CHSY3: variants seen among roughly 807,000 people sequenced by gnomAD.
CHSY3 encodes the protein N-acetylgalactosaminyl-proteoglycan 3-beta-glucuronosyltransferase 3.
CHSY3 carries 35 observed loss-of-function variants against 67.2 expected under a neutral mutation model. The observed-to-expected ratio is 0.52, with a 90% CI of 0.40 to 0.69. CHSY3 has a LOEUF of 0.69. Among genes scored for constraint, CHSY3 ranks in the 30% least tolerant of loss-of-function variants. The pLI, the probability that CHSY3 is intolerant of heterozygous loss-of-function variation, is 0.00. For synonymous variants in CHSY3, 474 were observed against 434.7 expected (o/e 1.09, Z -1.12); for missense variants, 1,069 against 1,138.5 (o/e 0.94, Z 0.88).
intron 2 of CHSY3, among the ~76,000 whole-genome samples, chr5:129,977,339 C>G (rs888308405): frequency 6.6e-6 from 1 of 152,110 alleles, no homozygotes; most frequent in Non-Finnish European, 1.5e-5. Context: ...CATAAGCAAT[C>G]CTTTAAGAAC....
chr5:130,081,285 G>C (rs1004116705), intron 2 of CHSY3, among the ~76,000 whole-genome samples: 2 of 151,538 alleles, frequency 1.3e-5, no homozygotes, highest in Middle Eastern at 6.8e-3. Context: ...GCTTTGGGTG[G>C]GACAGAGGAT....
intron 2 of CHSY3, among the ~76,000 whole-genome samples, chr5:130,015,208 G>T (rs1764184210): frequency 6.6e-6 from 1 of 152,086 alleles, no homozygotes; most frequent in Non-Finnish European, 1.5e-5. Context: ...ATAAAGATAT[G>T]CTGGCTTCCC....
chr5:130,014,827 C>A (rs1764171064), intron 2 of CHSY3, among the ~76,000 whole-genome samples: 1 of 152,210 alleles, frequency 6.6e-6, no homozygotes, highest in Middle Eastern at 3.4e-3. Context: ...ACTCCCAGAG[C>A]AATTACAACA....
Position 129,908,252 on chromosome 5 carries a change from GC to G in CHSY3, c.980del (p.Pro327HisfsTer19), listed in dbSNP as rs764502168. On this transcript the variant is annotated frameshift_variant, in exon 2 of 3. Coordinates refer to ENST00000305031, the MANE Select transcript of CHSY3 (RefSeq NM_175856.5). LOFTEE classifies it high-confidence loss of function. Reference sequence around the variant, plus strand: ...GCCGAGAAGTTCTCAGGAGGATGGTGCCACATATTGGTGAATGCCTTAGAGA... The same window carrying G: ...GCCGAGAAGTTCTCAGGAGGATGGTGCACATATTGGTGAATGCCTTAGAGA... ...FSREVLRRMV[P>X]HIGECLREMY... 1 of 1,614,160 alleles carries G rather than the reference GC, an allele frequency of 6.2e-7. No homozygotes were observed. The highest frequency in any genetic ancestry group is 1.1e-5 in the South Asian group (1 of 91,078).
intron 2 of CHSY3, among the ~76,000 whole-genome samples, chr5:130,059,655 T>G (rs1765646958): frequency 6.6e-6 from 1 of 152,176 alleles, no homozygotes; most frequent in Non-Finnish European, 1.5e-5. Flanking sequence ...GGATTTGATA[T>G]GAATAAATAT....
chr5:129,935,257 A>G (rs948767268), intron 2 of CHSY3, among the ~76,000 whole-genome samples: 1 of 152,174 alleles, frequency 6.6e-6, no homozygotes, highest in East Asian at 1.9e-4. Context: ...GTTACGTATC[A>G]TCTTTTGTCC....
intron 2 of CHSY3, among the ~76,000 whole-genome samples, chr5:130,183,028 A>G (rs1770296856): frequency 6.6e-6 from 1 of 151,684 alleles, no homozygotes; most frequent in Non-Finnish European, 1.5e-5. Context: ...TAAGTTTGCA[A>G]TATTTCTTTC....
At position 129,937,469 on chromosome 5, in the gene CHSY3, T is replaced by C. The variant is rs934087787; in HGVS notation, c.1086+29109T>C. 1.4e-4 allele frequency among the ~76,000 whole-genome samples: 22 copies of C among 152,190 alleles called. 1 individual carries two copies. The highest frequency in any genetic ancestry group is 5.3e-4 in the African/African-American group (22 of 41,530). On this transcript the variant is annotated intron_variant, in intron 2 of 2. Coordinates refer to ENST00000305031, the MANE Select transcript of CHSY3 (RefSeq NM_175856.5). ...TGGGTAGAGACACAGAGCCAAACCA[T>C]ATTATTCTGTCCCTGGACCCTCCCA...
chr5:130,108,476 G>A (rs530392034), intron 2 of CHSY3, among the ~76,000 whole-genome samples: 45 of 151,678 alleles, frequency 3.0e-4, no homozygotes, highest in African/African-American at 9.2e-4. Flanking sequence ...ATTTACCTAA[G>A]ATTGAGGTTT....
intron 2 of CHSY3, among the ~76,000 whole-genome samples, chr5:129,967,422 A>G (rs865983330): frequency 2.0e-5 from 3 of 151,982 alleles, no homozygotes; most frequent in African/African-American, 7.2e-5. Flanking sequence ...AAGAGAATTA[A>G]ACACACTTAT....
chr5:129,979,066 G>C (rs1168991605), intron 2 of CHSY3, among the ~76,000 whole-genome samples: 1 of 151,576 alleles, frequency 6.6e-6, no homozygotes, highest in Non-Finnish European at 1.5e-5. Flanking sequence ...CGGGTGTGGT[G>C]GTGGGCGCCT....
At chr5:130,032,615 G>A (rs536905651) in intron 2 of CHSY3, among the ~76,000 whole-genome samples, 117 of 152,132 alleles carry the variant, frequency 7.7e-4, no homozygotes, top group African/African-American at 1.5e-3. Context: ...AGTTCTACCC[G>A]CCTCACTTCA....
At position 130,186,307 on chromosome 5, in the gene CHSY3, C is replaced by T. The variant is rs1401344245; in HGVS notation, c.*516C>T. ...ATATATAAACAATAATTTTCTTCATCTTTAGAATTTTTAAAGTAAATGAAT... is the reference window on the plus strand; with the variant it reads ...ATATATAAACAATAATTTTCTTCATTTTTAGAATTTTTAAAGTAAATGAAT... On this transcript the variant is annotated 3_prime_UTR_variant, in exon 3 of 3. Coordinates refer to ENST00000305031, the MANE Select transcript of CHSY3 (RefSeq NM_175856.5). 1 of 152,392 alleles carries T rather than the reference C, an allele frequency of 6.6e-6. No individual in the cohort carries two copies. Among genetic ancestry groups the T allele is most frequent in the Non-Finnish European group, 1.5e-5 (1 of 67,988 alleles). 9.4% of individuals were successfully genotyped at this position (152,392 alleles called of 1,614,324 possible). A position where few individuals can be genotyped will look rare whatever the true frequency, so the allele number is the denominator to read the frequency against.
At chr5:130,001,250 G>T (rs4533923) in intron 2 of CHSY3, 1 of 161,970 alleles carries the variant, frequency 6.2e-6, no homozygotes, top group African/African-American at 2.4e-5. Flanking sequence ...CAGGTTACCT[G>T]GAGGTTGAAT....
chr5:130,013,736 T>G (rs148982507), intron 2 of CHSY3, among the ~76,000 whole-genome samples: 6 of 152,308 alleles, frequency 3.9e-5, no homozygotes, highest in Non-Finnish European at 2.9e-5. Flanking sequence ...CCTCCAGGCC[T>G]GCAATGGGAG....
intron 2 of CHSY3, among the ~76,000 whole-genome samples, chr5:129,931,162 C>T (rs1025781831): frequency 9.2e-5 from 14 of 152,006 alleles, no homozygotes; most frequent in Non-Finnish European, 1.5e-4. Flanking sequence ...AAAATATATC[C>T]GGCCTACACA....
chr5:130,126,379 T>C (rs1348856730), intron 2 of CHSY3, among the ~76,000 whole-genome samples: 2 of 152,214 alleles, frequency 1.3e-5, no homozygotes, highest in Non-Finnish European at 2.9e-5. Flanking sequence ...GATGGGCTTG[T>C]GTTTACAGTC....
At chr5:130,101,190 G>T (rs1375254937) in intron 2 of CHSY3, among the ~76,000 whole-genome samples, 1 of 152,136 alleles carries the variant, frequency 6.6e-6, no homozygotes, top group Non-Finnish European at 1.5e-5. Flanking sequence ...TAAACCATCC[G>T]AGTATTTTTT....
intron 2 of CHSY3, among the ~76,000 whole-genome samples, chr5:129,972,987 C>G (rs993276237): frequency 6.6e-6 from 1 of 151,960 alleles, no homozygotes; most frequent in African/African-American, 2.4e-5. Context: ...GTCAATCATG[C>G]TTTTTCATGG....
Sources: allele counts gnomAD v4.1 joint callset (sites outside exome capture counted in the v4.1 genomes callset), GRCh38; gene constraint gnomAD v4.1.1; transcripts MANE v1.5; gene names NCBI Gene and HGNC (gene_info 2026-07-23, HGNC 2026-07-21).